The following ARSB variants were observed in gnomAD, a reference collection of about 807,000 sequenced individuals.
The protein encoded by ARSB is arylsulfatase B.
Under a neutral mutation model 50.9 loss-of-function variants are expected in ARSB, and 41 were observed. The observed-to-expected ratio is 0.81, with a 90% CI of 0.63 to 1.04. The LOEUF (loss-of-function observed/expected upper bound fraction) is 1.04, where lower values mean the gene tolerates loss of function less well. Among genes scored for constraint, ARSB ranks in the 50% least tolerant of loss-of-function variants. ARSB has a pLI of 0.00. For missense variants in ARSB, 672 were observed against 693.3 expected (o/e 0.97, Z 0.35); for synonymous variants, 269 against 284.8 (o/e 0.94, Z 0.56).
At chr5:78,923,245 G>A (rs1749908030) in intron 4 of ARSB, among the ~76,000 whole-genome samples, 1 of 152,174 alleles carries the variant, frequency 6.6e-6, no homozygotes, top group Admixed American at 6.5e-5. Context: ...TCTCACAGCT[G>A]GGGGATCCAT....
At chr5:78,862,624 G>A (rs938204897) in intron 5 of ARSB, among the ~76,000 whole-genome samples, 3 of 152,132 alleles carry the variant, frequency 2.0e-5, no homozygotes, top group Non-Finnish European at 4.4e-5. Flanking sequence ...AGACTTAAAT[G>A]TTTGACCTAA....
intron 5 of ARSB, among the ~76,000 whole-genome samples, chr5:78,853,766 G>A (rs1010442970): frequency 3.9e-5 from 6 of 152,344 alleles, no homozygotes; most frequent in East Asian, 1.9e-4. Flanking sequence ...GGCAATGGTG[G>A]GTGCCCCTCC....
intron 6 of ARSB, among the ~76,000 whole-genome samples, chr5:78,811,753 AAC>A (rs1281328839): frequency 6.6e-6 from 1 of 152,240 alleles, no homozygotes; most frequent in Non-Finnish European, 1.5e-5. Context: ...TGGGTGTATC[AAC>A]ATTCATAATT....
chr5:78,879,597 C>T (rs537939958), intron 5 of ARSB, among the ~76,000 whole-genome samples: 1 of 152,332 alleles, frequency 6.6e-6, no homozygotes, highest in South Asian at 2.1e-4. Context: ...TCAAAAACTA[C>T]CATCATCTCG....
At chr5:78,853,405 A>C (rs1194592123) in intron 5 of ARSB, among the ~76,000 whole-genome samples, 3 of 152,308 alleles carry the variant, frequency 2.0e-5, no homozygotes, top group Non-Finnish European at 4.4e-5. Context: ...CTGTCTGATC[A>C]TTCCTCTGGA....
At chr5:78,865,211 C>T (rs948892815) in intron 5 of ARSB, among the ~76,000 whole-genome samples, 1 of 152,196 alleles carries the variant, frequency 6.6e-6, no homozygotes, top group Non-Finnish European at 1.5e-5. Flanking sequence ...CTTGCCTGGG[C>T]ATCCAGGCAT....
chr5:78,895,890 GTGACCTTAAGCACACATCTTGGGCTC>G (rs1748539205), intron 4 of ARSB, among the ~76,000 whole-genome samples: 1 of 152,210 alleles, frequency 6.6e-6, no homozygotes, highest in Non-Finnish European at 1.5e-5. Context: ...GGACATGGCT[GTGACCTTAAGCACACATCTTGGGCTC>G]TGCCCCCAGG....
At chr5:78,927,402 CTT>C (rs1750104942) in intron 4 of ARSB, among the ~76,000 whole-genome samples, 1 of 152,132 alleles carries the variant, frequency 6.6e-6, no homozygotes, top group Non-Finnish European at 1.5e-5. Flanking sequence ...GACCCAGGCC[CTT>C]TTCTCCCCTG....
intron 6 of ARSB, among the ~76,000 whole-genome samples, chr5:78,820,475 C>T (rs1167162842): frequency 3.3e-5 from 5 of 151,994 alleles, no homozygotes; most frequent in Admixed American, 2.0e-4. Context: ...GCAGGAGAAT[C>T]GCTTGAACCC....
At chr5:78,878,742 C>T (rs140146937) in intron 5 of ARSB, among the ~76,000 whole-genome samples, 192 of 152,100 alleles carry the variant, frequency 1.3e-3, no homozygotes, top group African/African-American at 4.2e-3. Context: ...TAATGACATA[C>T]TAAGTTTTTA....
intron 3 of ARSB, among the ~76,000 whole-genome samples, chr5:78,957,760 G>A (rs746180194): frequency 1.5e-4 from 23 of 152,050 alleles, no homozygotes; most frequent in Non-Finnish European, 3.1e-4. Flanking sequence ...CTGCCTGGGG[G>A]TGATGAAGGT....
At chr5:78,925,070 C>CTTGT (rs1749986237) in intron 4 of ARSB, among the ~76,000 whole-genome samples, 1 of 152,182 alleles carries the variant, frequency 6.6e-6, no homozygotes, top group Non-Finnish European at 1.5e-5. Flanking sequence ...TATGTCTGCT[C>CTTGT]CTGTCTGAAT....
chr5:78,927,375 A>G (rs114017266), intron 4 of ARSB, among the ~76,000 whole-genome samples: 3,837 of 152,240 alleles, frequency 0.025, 167 homozygotes, highest in African/African-American at 0.086. Context: ...ACTAGTGGCT[A>G]CCTGTTGAAC....
rs1315475875 is a variant in ARSB at position 78,834,603 on chromosome 5, A to G, written c.1213+4753T>C. Reference sequence around the variant, plus strand: ...CTGGATACTATTTCATGGTATATATATGTGTATATATATATATATATATAT... The same window carrying G: ...CTGGATACTATTTCATGGTATATATGTGTGTATATATATATATATATATAT... On this transcript the variant is annotated intron_variant, in intron 6 of 7. Coordinates refer to ENST00000264914, the MANE Select transcript of ARSB (RefSeq NM_000046.5). 3.0e-3 allele frequency among the ~76,000 whole-genome samples: 254 copies of G among 83,456 alleles called. 3 individuals are homozygous for G. Among genetic ancestry groups the G allele is most frequent in the Middle Eastern group, 0.021 (4 of 190 alleles). 54.8% of individuals were successfully genotyped at this position (83,456 alleles called of 152,430 possible). A position where few individuals can be genotyped will look rare whatever the true frequency, so the allele number is the denominator to read the frequency against.
intron 4 of ARSB, among the ~76,000 whole-genome samples, chr5:78,928,302 TTGC>T (rs1750143600): frequency 7.1e-6 from 1 of 140,096 alleles, no homozygotes; most frequent in African/African-American, 2.7e-5. Flanking sequence ...CCATTTGCTT[TTGC>T]TTTTTTTTTT....
At chr5:78,984,879 G>T in intron 1 of ARSB, 58 bp downstream of exon 1, 2 of 1,245,178 alleles carry the variant, frequency 1.6e-6, no homozygotes, top group East Asian at 3.3e-5. Context: ...GGTAGGAGCG[G>T]CAGGGCGCCG....
intron 5 of ARSB, among the ~76,000 whole-genome samples, chr5:78,866,988 A>T (rs901820420): frequency 6.6e-6 from 1 of 152,220 alleles, no homozygotes; most frequent in African/African-American, 2.4e-5. Flanking sequence ...AAGCAGGGCG[A>T]GGCATTGCCT....
chr5:78,958,243 G>A (rs1751822614), intron 3 of ARSB, among the ~76,000 whole-genome samples: 1 of 152,076 alleles, frequency 6.6e-6, no homozygotes, highest in South Asian at 2.1e-4. Context: ...AGGGGGCAGG[G>A]GATACAGTGG....
At chr5:78,909,235 T>A (rs1248038413) in intron 4 of ARSB, among the ~76,000 whole-genome samples, 1 of 152,066 alleles carries the variant, frequency 6.6e-6, no homozygotes, top group Non-Finnish European at 1.5e-5. Context: ...GCTCACACAT[T>A]TTTTTTTCCA....
Sources: allele counts gnomAD v4.1 joint callset (sites outside exome capture counted in the v4.1 genomes callset), GRCh38; gene constraint gnomAD v4.1.1; transcripts MANE v1.5; gene names NCBI Gene and HGNC (gene_info 2026-07-23, HGNC 2026-07-21).